TBC1D8: variants seen among roughly 807,000 people sequenced by gnomAD.
The protein encoded by TBC1D8 is BUB2-like protein 1.
In TBC1D8, 65 loss-of-function variants were observed where a neutral mutation model predicts 118.8. The ratio of observed to expected loss-of-function variants is 0.55; its 90% CI spans 0.45 to 0.67. The LOEUF (loss-of-function observed/expected upper bound fraction) is 0.67. Ranked by LOEUF, TBC1D8 falls within the 30% of genes least tolerant of loss-of-function variation. TBC1D8 has a pLI of 0.00. For missense variants in TBC1D8, 1,376 were observed against 1,471.2 expected (o/e 0.94, Z 1.06); for synonymous variants, 566 against 595.8 (o/e 0.95, Z 0.73).
Position 101,029,483 on chromosome 2 carries a change from G to C in TBC1D8, c.2222+8C>G, listed in dbSNP as rs529962284. On this transcript the variant is annotated splice_region_variant and intron_variant, in intron 12 of 19. Transcript: ENST00000409318. ...TCTGGTTGGCCACAGAGGTGCAGCGGGGCCCACCTGCTGAGGATCATCAAG... is the reference window on the plus strand; with the variant it reads ...TCTGGTTGGCCACAGAGGTGCAGCGCGGCCCACCTGCTGAGGATCATCAAG... 5.8e-5 allele frequency: 93 copies of C among 1,607,996 alleles called. No homozygotes were observed. Among genetic ancestry groups the C allele is most frequent in the Non-Finnish European group, 7.7e-5 (91 of 1,175,518 alleles).
At chr2:101,090,597 A>G (rs1574015017) in intron 1 of TBC1D8, among the ~76,000 whole-genome samples, 1 of 152,178 alleles carries the variant, frequency 6.6e-6, no homozygotes, top group African/African-American at 2.4e-5. Flanking sequence ...TGCTCAATCA[A>G]TGAAGAGGTG....
chr2:101,127,473 G>A (rs1247710607), intron 1 of TBC1D8, among the ~76,000 whole-genome samples: 1 of 152,122 alleles, frequency 6.6e-6, no homozygotes, highest in Non-Finnish European at 1.5e-5. Flanking sequence ...GGTCTACCAC[G>A]TGTAGAGAAC....
In TBC1D8 at chr2:101,037,718, AAG is replaced by A. The variant is rs748507900; in HGVS notation, c.1276-12_1276-11del. 7 of 1,612,086 alleles carry A rather than the reference AAG, an allele frequency of 4.3e-6. No individual in the cohort carries two copies. The East Asian group carries it at 1.6e-4, about 36-fold the overall frequency. ...GAAACACGAGTGAAGCCTGCACAGC[AAG>A]AGAGACAGAGACAGAGAGAGAGAGG... On this transcript the variant is annotated splice_polypyrimidine_tract_variant and intron_variant, in intron 7 of 19. Transcript: ENST00000409318.
At chr2:101,137,382 G>C (rs574131602) in intron 1 of TBC1D8, among the ~76,000 whole-genome samples, 2 of 151,786 alleles carry the variant, frequency 1.3e-5, no homozygotes, top group South Asian at 4.2e-4. Flanking sequence ...GCATGATCTC[G>C]GCTCACTGCA....
At chr2:101,026,397 C>T (rs867665995) in intron 15 of TBC1D8, among the ~76,000 whole-genome samples, 16 of 152,184 alleles carry the variant, frequency 1.1e-4, no homozygotes, top group Admixed American at 3.3e-4. Context: ...ATGATGTGTA[C>T]GGGAGAAAGC....
intron 1 of TBC1D8, among the ~76,000 whole-genome samples, chr2:101,122,403 A>AAAATAAAAAT (rs1678166524): frequency 7.3e-6 from 1 of 137,236 alleles, no homozygotes; most frequent in South Asian, 2.1e-4. Flanking sequence ...AAAAAAAAAA[A>AAAATAAAAAT]AAAAAAAAGC....
At chr2:101,144,392 C>T (rs955362017) in intron 1 of TBC1D8, among the ~76,000 whole-genome samples, 2 of 151,908 alleles carry the variant, frequency 1.3e-5, no homozygotes, top group African/African-American at 2.4e-5. Flanking sequence ...TAGCCAGATG[C>T]TTGGGGGTGG....
chr2:101,067,402 A>G (rs7602390), intron 2 of TBC1D8, among the ~76,000 whole-genome samples: 51,259 of 152,022 alleles, frequency 0.34, 8,930 homozygotes, highest in Middle Eastern at 0.46. Context: ...CGTTGAGATC[A>G]GGGACAGGCA....
At chr2:101,052,769 C>T (rs1037207933) in intron 4 of TBC1D8, among the ~76,000 whole-genome samples, 1 of 152,156 alleles carries the variant, frequency 6.6e-6, no homozygotes. Context: ...ATTCATTTTC[C>T]TTTTCAAATA....
Position 101,028,028 on chromosome 2 carries a change from G to A in TBC1D8, c.2451+20C>T, listed in dbSNP as rs548111406. 20 of 1,612,388 alleles carry A rather than the reference G, an allele frequency of 1.2e-5. No individual in the cohort carries two copies. The East Asian group carries it at 3.1e-4, about 25-fold the overall frequency. On this transcript the variant is annotated intron_variant, in intron 14 of 19. Coordinates refer to ENST00000409318, the MANE Select transcript of TBC1D8 (RefSeq NM_001330348.2). ...GCTCCCCAATACCGTGATCACCGGGGTGAGGCGTCTGCTACCCACCACGTT... is the reference window on the plus strand; with the variant it reads ...GCTCCCCAATACCGTGATCACCGGGATGAGGCGTCTGCTACCCACCACGTT...
In TBC1D8 at chr2:101,029,806, T is replaced by C. The variant is rs550485100; in HGVS notation, c.1937-30A>G. 2.2e-5 allele frequency: 35 copies of C among 1,605,084 alleles called. 1 individual carries two copies. The South Asian group carries it at 3.1e-4, about 14-fold the overall frequency. On this transcript the variant is annotated intron_variant, in intron 11 of 19. Coordinates refer to ENST00000409318, the MANE Select transcript of TBC1D8 (RefSeq NM_001330348.2). ...AAAAGAAAGGGCACAGGGCTCTGGC[T>C]GGGGTAGGACTCACTCTCTAAGGTC... is the stretch of plus-strand genomic sequence containing the variant.
intron 2 of TBC1D8, among the ~76,000 whole-genome samples, chr2:101,083,713 C>G (rs1378500211): frequency 2.0e-5 from 3 of 152,210 alleles, no homozygotes; most frequent in Non-Finnish European, 4.4e-5. Context: ...AGATATAAAT[C>G]ATTCGTGCAG....
intron 1 of TBC1D8, among the ~76,000 whole-genome samples, chr2:101,128,132 A>G (rs749147257): frequency 2.0e-5 from 3 of 152,164 alleles, no homozygotes; most frequent in Non-Finnish European, 2.9e-5. Context: ...TTTCCCCCCA[A>G]TAACCTTAGG....
intron 8 of TBC1D8, 86 bp from the exon 9 acceptor site, chr2:101,036,254 T>C: frequency 6.7e-7 from 1 of 1,503,574 alleles, no homozygotes; most frequent in Non-Finnish European, 9.1e-7. Flanking sequence ...ATGGAGGAAG[T>C]ACTGCCCCTG....
intron 1 of TBC1D8, among the ~76,000 whole-genome samples, chr2:101,135,634 C>A (rs1678824800): frequency 6.6e-6 from 1 of 152,240 alleles, no homozygotes; most frequent in South Asian, 2.1e-4. Context: ...ACAATTCAAA[C>A]CAACTGCCCA....
At chr2:101,136,698 C>T (rs551792150) in intron 1 of TBC1D8, among the ~76,000 whole-genome samples, 3 of 152,306 alleles carry the variant, frequency 2.0e-5, no homozygotes, top group East Asian at 1.9e-4. Flanking sequence ...ACTGGATTTA[C>T]GAAGATCTAG....
In TBC1D8 at chr2:101,040,313, G is replaced by A. The variant is rs368260868; in HGVS notation, c.945C>T (p.His315=). The A allele has an allele frequency of 7.6e-5, 123 of 1,613,966 alleles. No homozygotes were observed. In the African/African-American group the frequency reaches 1.2e-3, roughly 16 times the overall value. ...TCCAGAGCGAACAGTCCACAACCGC[G>A]TGCAGCTTCTCCTTCCTCGGCAACC... is the stretch of plus-strand genomic sequence containing the variant. ...FFRLPRKEKL[H]AVVDCSLWTP... The change falls in exon 6 of 20, where the codon CAC becomes CAT. Residue 315 remains histidine (H), a synonymous_variant. Coordinates refer to ENST00000409318, the MANE Select transcript of TBC1D8 (RefSeq NM_001330348.2).
At chr2:101,110,841 G>A (rs1677539962) in intron 1 of TBC1D8, among the ~76,000 whole-genome samples, 1 of 152,036 alleles carries the variant, frequency 6.6e-6, no homozygotes, top group African/African-American at 2.4e-5. Context: ...GGGCAGGGTG[G>A]CACACACCTG....
At chr2:101,040,755 C>T (rs1286384877) in intron 5 of TBC1D8, among the ~76,000 whole-genome samples, 2 of 152,228 alleles carry the variant, frequency 1.3e-5, no homozygotes, top group African/African-American at 4.8e-5. Flanking sequence ...CAGGCGTGAG[C>T]CACCGCGCCC....
Sources: allele counts gnomAD v4.1 joint callset (sites outside exome capture counted in the v4.1 genomes callset), GRCh38; gene constraint gnomAD v4.1.1; transcripts MANE v1.5; gene names NCBI Gene and HGNC (gene_info 2026-07-23, HGNC 2026-07-21).